The following TCF12 variants were observed in gnomAD, a reference collection of about 807,000 sequenced individuals.
TCF12 encodes transcription factor 12, also known as DNA-binding protein HTF4.
TCF12 carries 45 observed loss-of-function variants against 86.0 expected under a neutral mutation model. That is an observed-to-expected ratio of 0.52 (90% CI 0.41 to 0.67). The LOEUF (loss-of-function observed/expected upper bound fraction) is 0.67, where lower values mean the gene tolerates loss of function less well. Ranked by LOEUF, TCF12 falls within the 30% of genes least tolerant of loss-of-function variation. The probability of loss-of-function intolerance (pLI) is 0.00; values close to 1 mark genes in which losing one functional copy is unlikely to be tolerated. For synonymous variants in TCF12, 330 were observed against 299.6 expected, an observed-to-expected ratio of 1.10 and a Z score of -1.05; for missense variants, 881 against 859.9, an observed-to-expected ratio of 1.02 and a Z score of -0.31.
chr15:57,026,103 T>C (rs1171033722), intron 3 of TCF12, among the ~76,000 whole-genome samples: 6 of 152,242 alleles, frequency 3.9e-5, no homozygotes, highest in African/African-American at 1.2e-4. Context: ...AAATTCTTTT[T>C]GGAAAGGACC....
intron 3 of TCF12, among the ~76,000 whole-genome samples, chr15:56,972,576 A>G (rs1250844782): frequency 1.3e-5 from 2 of 152,196 alleles, no homozygotes; most frequent in African/African-American, 2.4e-5. Context: ...GATAATATAC[A>G]TCTGTCTGCA....
chr15:57,228,377 A>C (rs2058982295), intron 8 of TCF12, among the ~76,000 whole-genome samples: 1 of 152,080 alleles, frequency 6.6e-6, no homozygotes, highest in African/African-American at 2.4e-5. Context: ...CTTATGATGA[A>C]AATTTTGAAC....
chr15:57,020,860 T>C (rs1387244507), intron 3 of TCF12, among the ~76,000 whole-genome samples: 2 of 151,934 alleles, frequency 1.3e-5, no homozygotes, highest in African/African-American at 4.8e-5. Context: ...ACTGAGGGGG[T>C]ATGGATTATT....
intron 4 of TCF12, among the ~76,000 whole-genome samples, chr15:57,076,913 T>C (rs879705282): frequency 1.3e-5 from 2 of 152,190 alleles, no homozygotes; most frequent in Non-Finnish European, 2.9e-5. Context: ...AAAAGATTTT[T>C]CTTCCCTCCC....
At chr15:57,074,444 G>A (rs1456516605) in intron 4 of TCF12, among the ~76,000 whole-genome samples, 1 of 151,014 alleles carries the variant, frequency 6.6e-6, no homozygotes, top group Admixed American at 6.6e-5. Context: ...AATTCTTGGA[G>A]TATATCCTGA....
At chr15:57,095,319 C>T (rs1218117709) in intron 5 of TCF12, among the ~76,000 whole-genome samples, 6 of 152,124 alleles carry the variant, frequency 3.9e-5, no homozygotes, top group East Asian at 1.9e-4. Flanking sequence ...CATTTCTCCA[C>T]CCTTGATCCT....
chr15:56,924,105 A>T (rs1221159718), intron 3 of TCF12, among the ~76,000 whole-genome samples: 1 of 152,144 alleles, frequency 6.6e-6, no homozygotes, highest in Non-Finnish European at 1.5e-5. Context: ...ATTCTCATTA[A>T]ATTACTCTTC....
intron 5 of TCF12, among the ~76,000 whole-genome samples, chr15:57,139,658 A>C (rs2052811667): frequency 6.8e-6 from 1 of 147,452 alleles, no homozygotes; most frequent in Admixed American, 6.8e-5. Context: ...TCTTTAAACC[A>C]AAAAAAAAAA....
intron 3 of TCF12, among the ~76,000 whole-genome samples, chr15:56,978,856 A>G (rs1272905016): frequency 6.6e-6 from 1 of 152,208 alleles, no homozygotes. Flanking sequence ...TTCTAAAGAT[A>G]GAATTTCTGC....
chr15:56,919,182 G>C (rs1305242557), intron 1 of TCF12: 3 of 152,022 alleles, frequency 2.0e-5, no homozygotes, highest in African/African-American at 7.2e-5. Context: ...GGGGCGCGCG[G>C]GAGATCGGGC....
chr15:56,991,464 A>G (rs368939310), intron 3 of TCF12, among the ~76,000 whole-genome samples: 1 of 152,192 alleles, frequency 6.6e-6, no homozygotes, highest in African/African-American at 2.4e-5. Flanking sequence ...AATTTCTACA[A>G]TATAAGGTTT....
intron 3 of TCF12, among the ~76,000 whole-genome samples, chr15:57,053,216 G>A (rs2067761269): frequency 6.6e-6 from 1 of 152,118 alleles, no homozygotes; most frequent in African/African-American, 2.4e-5. Context: ...TTCCTGATAT[G>A]TATGATGCCG....
At chr15:57,137,673 T>C (rs187611122) in intron 5 of TCF12, among the ~76,000 whole-genome samples, 1 of 152,220 alleles carries the variant, frequency 6.6e-6, no homozygotes, top group Admixed American at 6.6e-5. Flanking sequence ...TTGCAAATGT[T>C]TTGTTTATTT....
intron 5 of TCF12, among the ~76,000 whole-genome samples, chr15:57,147,228 A>T (rs954490227): frequency 2.0e-5 from 3 of 152,248 alleles, no homozygotes; most frequent in Non-Finnish European, 4.4e-5. Flanking sequence ...AGTACTAACA[A>T]TGTAACTATA....
intron 16 of TCF12, among the ~76,000 whole-genome samples, chr15:57,255,373 C>A (rs1167253445): frequency 6.6e-6 from 1 of 152,148 alleles, no homozygotes; most frequent in Non-Finnish European, 1.5e-5. Flanking sequence ...GGATGGCACC[C>A]TAAAACTTAT....
At chr15:57,275,865 G>A (rs946696155) in intron 19 of TCF12, among the ~76,000 whole-genome samples, 4 of 152,166 alleles carry the variant, frequency 2.6e-5, no homozygotes, top group Admixed American at 6.5e-5. Context: ...TCCCAGAGAA[G>A]AGTGGCTTCT....
intron 3 of TCF12, among the ~76,000 whole-genome samples, chr15:57,000,847 T>G (rs946456540): frequency 5.3e-5 from 8 of 152,140 alleles, no homozygotes; most frequent in African/African-American, 1.9e-4. Flanking sequence ...TGGCTCCTAT[T>G]TCTTCATTTT....
rs189947915 is a variant in TCF12, at chr15:57,156,619, C to G, written c.326-9783C>G. Among the ~76,000 whole-genome samples, 11 of 152,336 alleles carry G rather than the reference C, an allele frequency of 7.2e-5. No individual in the cohort carries two copies. In the East Asian group the frequency reaches 2.1e-3, roughly 29 times the overall value. On this transcript the variant is annotated intron_variant, in intron 5 of 20. Transcript: ENST00000333725. The stretch of plus-strand genomic sequence containing the variant: ...TTCTCTTAAGCTGTCTCTCTGCCTT[C>G]ATATGGCTTTATGCCATAGATGGAG...
chr15:57,019,949 C>A (rs1245200863), intron 3 of TCF12, among the ~76,000 whole-genome samples: 1 of 152,062 alleles, frequency 6.6e-6, no homozygotes, highest in African/African-American at 2.4e-5. Flanking sequence ...TCCTTGCTTC[C>A]AAGTTAAACT....
Sources: gnomAD v4.1 joint callset for allele counts (sites outside exome capture counted in the v4.1 genomes callset) on GRCh38, gnomAD v4.1.1 for gene constraint, MANE v1.5 for transcripts, NCBI Gene and HGNC (gene_info 2026-07-23, HGNC 2026-07-21) for gene names.